Variants in HYAL4 observed in about 807,000 individuals in gnomAD.
The protein encoded by HYAL4 is hyaluronidase-4.
A neutral mutation model predicts 35.2 loss-of-function variants in HYAL4; 37 were observed. The observed-to-expected ratio is 1.05, with a 90% CI of 0.81 to 1.38. The LOEUF (loss-of-function observed/expected upper bound fraction) is 1.38, where lower values mean the gene tolerates loss of function less well. Ranked by LOEUF, HYAL4 falls within the 40% of genes most tolerant of loss-of-function variation. The pLI is 0.00. For synonymous variants in HYAL4, 198 were observed against 203.2 expected, an observed-to-expected ratio of 0.97 and a Z score of 0.22; for missense variants, 572 against 572.4, an observed-to-expected ratio of 1.00 and a Z score of 0.01.
At chr7:123,827,753 A>T (rs911110806), upstream of HYAL4, among the ~76,000 whole-genome samples, 1 of 152,138 alleles carries the variant, frequency 6.6e-6, no homozygotes, top group Non-Finnish European at 1.5e-5. Flanking sequence ...AATCTCCCAA[A>T]TCTTTACCAG....
At chr7:123,785,108 G>C in the HYAL4 span, among the ~76,000 whole-genome samples, 1 of 152,072 alleles carries the variant, frequency 6.6e-6, no homozygotes, top group Non-Finnish European at 1.5e-5. This position sits in a 1 kb window ranked among gnomAD's most constrained non-coding sequence, Gnocchi z 4.5. Flanking sequence ...CTCTGTCACC[G>C]GGCTAGAGTG....
the HYAL4 span, among the ~76,000 whole-genome samples, chr7:123,809,472 T>C: frequency 6.7e-6 from 1 of 148,912 alleles, no homozygotes; most frequent in African/African-American, 2.5e-5. Context: ...CTCGGCTCAC[T>C]GCAACCTCCA....
At chr7:123,849,160 A>G (rs1425101533) in intron 2 of HYAL4, among the ~76,000 whole-genome samples, 3 of 152,154 alleles carry the variant, frequency 2.0e-5, no homozygotes, top group Non-Finnish European at 4.4e-5. Flanking sequence ...TTTAGTGACT[A>G]TGTATGTGAC....
chr7:123,808,410 TATC>T, the HYAL4 span, among the ~76,000 whole-genome samples: 3 of 147,308 alleles, frequency 2.0e-5, no homozygotes, highest in East Asian at 2.0e-4. Flanking sequence ...ATTTTATATG[TATC>T]ATCACGTGTG....
chr7:123,861,773 A>G (rs556513016), intron 2 of HYAL4, among the ~76,000 whole-genome samples: 1 of 152,326 alleles, frequency 6.6e-6, no homozygotes, highest in South Asian at 2.1e-4. Context: ...AAGATAGTAT[A>G]GGAGTTCTAA....
At chr7:123,840,168 G>A (rs1484933343), upstream of HYAL4, among the ~76,000 whole-genome samples, 24 of 152,110 alleles carry the variant, frequency 1.6e-4, no homozygotes, top group Admixed American at 1.6e-3. Flanking sequence ...TTTGTATAAG[G>A]TATAAGGAAG....
the HYAL4 span, among the ~76,000 whole-genome samples, chr7:123,793,060 C>T: frequency 6.6e-6 from 1 of 152,148 alleles, no homozygotes; most frequent in Admixed American, 6.5e-5. Context: ...CTACAGCTAT[C>T]CTAAGACCAT....
At chr7:123,778,614 T>G in the HYAL4 span, among the ~76,000 whole-genome samples, 1 of 152,076 alleles carries the variant, frequency 6.6e-6, no homozygotes, top group African/African-American at 2.4e-5. Context: ...TTATGAATCT[T>G]TTGGCAGGAG....
At chr7:123,787,135 A>G in the HYAL4 span, among the ~76,000 whole-genome samples, 7 of 131,714 alleles carry the variant, frequency 5.3e-5, no homozygotes, top group East Asian at 1.5e-3. Flanking sequence ...AAAGAAAAAG[A>G]AAAAAAAAGC....
the HYAL4 span, among the ~76,000 whole-genome samples, chr7:123,822,519 ATTAC>A: frequency 6.6e-6 from 1 of 152,140 alleles, no homozygotes; most frequent in Non-Finnish European, 1.5e-5. Flanking sequence ...GAATTTCATT[ATTAC>A]TTATGACATT....
chr7:123,838,934 C>A (rs1806010178), intron 1 of HYAL4, among the ~76,000 whole-genome samples: 1 of 151,794 alleles, frequency 6.6e-6, no homozygotes, highest in Non-Finnish European at 1.5e-5. Flanking sequence ...CTTTCCAGAG[C>A]ATTTTGCATT....
Position 123,868,911 on chromosome 7 carries a change from G to T in HYAL4, c.638G>T (p.Gly213Val). The T allele has an allele frequency of 1.2e-6, 2 of 1,614,140 alleles. No homozygotes were observed. Among genetic ancestry groups the T allele is most frequent in the Non-Finnish European group, 1.7e-6 (2 of 1,180,030 alleles). The change falls in exon 3 of 5, where the codon GGC becomes GTC. Residue 213 changes from glycine (G) to valine (V), a missense_variant. By Grantham distance (109) the Gly-to-Val change is moderately radical. Transcript: ENST00000223026. ...TTGGGAATTAAGAGCCGACCCAAAG[G>T]CCTTTGGGGTTATTATTTATATCCT... ...IKLGIKSRPK[G>V]LWGYYLYPDC...
chr7:123,843,458 A>T (rs1806108356), upstream of HYAL4, among the ~76,000 whole-genome samples: 1 of 151,912 alleles, frequency 6.6e-6, no homozygotes, highest in Non-Finnish European at 1.5e-5. Flanking sequence ...AACCTTGGTG[A>T]ATCTGACAAT....
chr7:123,780,768 C>T, the HYAL4 span, among the ~76,000 whole-genome samples: 1 of 148,802 alleles, frequency 6.7e-6, no homozygotes, highest in Non-Finnish European at 1.5e-5. Context: ...ATAACCTTAC[C>T]CCCAACCCCA....
chr7:123,783,566 T>C, the HYAL4 span, among the ~76,000 whole-genome samples: 2 of 152,064 alleles, frequency 1.3e-5, no homozygotes, highest in Non-Finnish European at 2.9e-5. Context: ...TTGAAAAAAA[T>C]TAAAATGCTG....
intron 1 of HYAL4, among the ~76,000 whole-genome samples, chr7:123,835,868 T>G (rs899815209): frequency 6.6e-6 from 1 of 152,164 alleles, no homozygotes; most frequent in Non-Finnish European, 1.5e-5. Flanking sequence ...TTAATTTCCA[T>G]GTATTTGCAT....
At chr7:123,807,667 C>T in the HYAL4 span, among the ~76,000 whole-genome samples, 1 of 151,546 alleles carries the variant, frequency 6.6e-6, no homozygotes, top group Non-Finnish European at 1.5e-5. Context: ...TCTCGAACTC[C>T]TGAACTTAGG....
chr7:123,802,322 T>C, the HYAL4 span, among the ~76,000 whole-genome samples: 35 of 152,324 alleles, frequency 2.3e-4, no homozygotes, highest in Non-Finnish European at 4.3e-4. Flanking sequence ...CTTTTAATAA[T>C]CTTCAGATAG....
At chr7:123,815,162 CAT>C in the HYAL4 span, 1 of 152,468 alleles carries the variant, frequency 6.6e-6, no homozygotes, top group Non-Finnish European at 1.5e-5. Context: ...TCTTATTAAA[CAT>C]GTATATTTCT....
Sources: allele counts gnomAD v4.1 joint callset (sites outside exome capture counted in the v4.1 genomes callset), GRCh38; gene constraint gnomAD v4.1.1; non-coding constraint Gnocchi (gnomAD v3.1); transcripts MANE v1.5; gene names NCBI Gene and HGNC (gene_info 2026-07-23, HGNC 2026-07-21).